The following PLXDC2 variants were observed in gnomAD, a reference collection of about 807,000 sequenced individuals.
PLXDC2 encodes plexin domain-containing protein 2.
PLXDC2 carries 40 observed loss-of-function variants against 68.9 expected under a neutral mutation model. The ratio of observed to expected loss-of-function variants is 0.58; its 90% CI spans 0.45 to 0.76. PLXDC2 has a LOEUF of 0.76. Among genes scored for constraint, PLXDC2 ranks in the 30% least tolerant of loss-of-function variants. The pLI is 0.00. For missense variants in PLXDC2, 644 were observed against 661.9 expected (o/e 0.97, Z 0.30); for synonymous variants, 243 against 234.2 (o/e 1.04, Z -0.34).
intron 1 of PLXDC2, among the ~76,000 whole-genome samples, chr10:19,862,722 C>T (rs17756468): frequency 0.045 from 6,894 of 152,238 alleles, 199 homozygotes; most frequent in Middle Eastern, 0.11. Context: ...TTCCCAATCA[C>T]GGAAAAATGG....
rs1448550577 is a variant in PLXDC2 at position 20,063,687 on chromosome 10, C to T, written c.472-4483C>T. On this transcript the variant is annotated intron_variant, in intron 3 of 13. Coordinates refer to ENST00000377252, the MANE Select transcript of PLXDC2 (RefSeq NM_032812.9). ...GAAGGCAAGAAGAGGTGTAGGCACA[C>T]TCAGAAATCTAGGAGTATGACCTGA... 2.0e-5 allele frequency among the ~76,000 whole-genome samples: 3 copies of T among 152,126 alleles called. No individual in the cohort carries two copies. In the East Asian group the frequency reaches 5.8e-4, roughly 29 times the overall value.
At chr10:20,267,831 C>A (rs1026802347) in intron 13 of PLXDC2, among the ~76,000 whole-genome samples, 7 of 142,100 alleles carry the variant, frequency 4.9e-5, no homozygotes, top group Non-Finnish European at 7.6e-5. Context: ...AGTCATCTTG[C>A]TTTTTTATCT....
intron 1 of PLXDC2, among the ~76,000 whole-genome samples, chr10:19,844,456 G>A (rs187438593): frequency 4.3e-4 from 66 of 152,124 alleles, no homozygotes; most frequent in South Asian, 2.5e-3. Context: ...ACAAACCACC[G>A]GACACTCACA....
At chr10:19,879,404 TA>T (rs1173876157) in intron 1 of PLXDC2, among the ~76,000 whole-genome samples, 1 of 152,190 alleles carries the variant, frequency 6.6e-6, no homozygotes, top group African/African-American at 2.4e-5. Flanking sequence ...CTGTTTTATT[TA>T]AATTCTGGCA....
At chr10:19,849,712 A>T (rs1302121765) in intron 1 of PLXDC2, among the ~76,000 whole-genome samples, 1 of 152,168 alleles carries the variant, frequency 6.6e-6, no homozygotes, top group Non-Finnish European at 1.5e-5. Flanking sequence ...TCTTTCTTTG[A>T]TAAATTACTC....
At chr10:20,144,923 G>C (rs1834053080) in intron 5 of PLXDC2, among the ~76,000 whole-genome samples, 1 of 152,036 alleles carries the variant, frequency 6.6e-6, no homozygotes, top group Admixed American at 6.6e-5. Context: ...TTGTTCCTAG[G>C]TAGCTCTTAA....
intron 5 of PLXDC2, 33 bp downstream of exon 5, chr10:20,143,450 G>A: frequency 6.2e-7 from 1 of 1,609,200 alleles, no homozygotes; most frequent in Non-Finnish European, 8.5e-7. Flanking sequence ...TTTGCTGCAT[G>A]TATATTTTTA....
chr10:20,213,243 G>A (rs1835092490), intron 10 of PLXDC2, among the ~76,000 whole-genome samples: 1 of 151,934 alleles, frequency 6.6e-6, no homozygotes, highest in African/African-American at 2.4e-5. Flanking sequence ...ATTATATAAG[G>A]TAGAGATTCA....
intron 1 of PLXDC2, among the ~76,000 whole-genome samples, chr10:19,984,804 A>C (rs373721734): frequency 6.6e-6 from 1 of 152,250 alleles, no homozygotes; most frequent in East Asian, 1.9e-4. Context: ...AGGTTTGAGG[A>C]ATCTTCAGGA....
chr10:20,164,355 G>T (rs1313476969), intron 6 of PLXDC2, 113 bp from the exon 7 acceptor site: 8 of 857,524 alleles, frequency 9.3e-6, no homozygotes, highest in African/African-American at 1.7e-5. Flanking sequence ...TCCCTTTCTA[G>T]TCTTTTATCT....
At chr10:20,023,049 A>T (rs2131660080) in intron 2 of PLXDC2, among the ~76,000 whole-genome samples, 1 of 149,666 alleles carries the variant, frequency 6.7e-6, no homozygotes, top group South Asian at 2.1e-4. Context: ...AAGGCTCTTA[A>T]TTTTTTTTGG....
At chr10:19,984,474 T>C (rs1411209824) in intron 1 of PLXDC2, among the ~76,000 whole-genome samples, 1 of 152,236 alleles carries the variant, frequency 6.6e-6, no homozygotes, top group Non-Finnish European at 1.5e-5. Context: ...TGAAAATTTG[T>C]CTCAGAGCAT....
intron 4 of PLXDC2, among the ~76,000 whole-genome samples, chr10:20,119,538 G>C (rs12415776): frequency 0.13 from 16,660 of 124,060 alleles, 1,893 homozygotes; most frequent in East Asian, 0.36. Flanking sequence ...AGGAACCGGG[G>C]ATCTGGATGT....
chr10:20,073,966 A>C (rs1008361524), intron 4 of PLXDC2, among the ~76,000 whole-genome samples: 1 of 152,128 alleles, frequency 6.6e-6, no homozygotes, highest in African/African-American at 2.4e-5. Flanking sequence ...CAGTGATGAG[A>C]TGGGAGCATG....
chr10:19,948,172 A>C (rs1244770646), intron 1 of PLXDC2, among the ~76,000 whole-genome samples: 1 of 152,114 alleles, frequency 6.6e-6, no homozygotes, highest in Admixed American at 6.5e-5. Flanking sequence ...TATCCTTGGC[A>C]TGTGTTATGT....
chr10:19,877,871 A>G (rs953518136), intron 1 of PLXDC2, among the ~76,000 whole-genome samples: 1 of 152,230 alleles, frequency 6.6e-6, no homozygotes, highest in Non-Finnish European at 1.5e-5. Context: ...TTTGGTCCTC[A>G]ACATGGGTTT....
At chr10:19,959,464 G>A (rs1200055233) in intron 1 of PLXDC2, among the ~76,000 whole-genome samples, 6 of 152,146 alleles carry the variant, frequency 3.9e-5, no homozygotes, top group Non-Finnish European at 7.4e-5. Flanking sequence ...GTAGCAGTGA[G>A]TTTATTTGGT....
chr10:19,965,608 G>T (rs1834234143), intron 1 of PLXDC2, among the ~76,000 whole-genome samples: 1 of 151,896 alleles, frequency 6.6e-6, no homozygotes, highest in African/African-American at 2.4e-5. Flanking sequence ...TGTGTTTGTG[G>T]TGCTAGCACA....
intron 1 of PLXDC2, among the ~76,000 whole-genome samples, chr10:19,998,145 T>A (rs976037716): frequency 2.6e-5 from 4 of 152,226 alleles, no homozygotes; most frequent in Admixed American, 2.6e-4. Flanking sequence ...TTGTTTTTAC[T>A]GCAGCTGGAA....
Sources: allele counts gnomAD v4.1 joint callset (sites outside exome capture counted in the v4.1 genomes callset), GRCh38; gene constraint gnomAD v4.1.1; transcripts MANE v1.5; gene names NCBI Gene and HGNC (gene_info 2026-07-23, HGNC 2026-07-21).